Variants in CATSPERB observed in about 807,000 individuals in gnomAD.
CATSPERB encodes cation channel sperm-associated auxiliary subunit beta.
CATSPERB carries 93 observed loss-of-function variants against 128.3 expected under a neutral mutation model. That is an observed-to-expected ratio of 0.72 (90% CI 0.61 to 0.86). The LOEUF is 0.86. Among genes scored for constraint, CATSPERB ranks in the 40% least tolerant of loss-of-function variants. CATSPERB has a pLI of 0.00. For synonymous variants in CATSPERB, 381 were observed against 448.8 expected (o/e 0.85, Z 1.91); for missense variants, 1,153 against 1,329.5 (o/e 0.87, Z 2.06).
chr14:91,621,714 A>G lies in CATSPERB; in HGVS notation c.2154T>C (p.Cys718=), dbSNP rs1236621352. 7 of 1,612,916 alleles carry G rather than the reference A, an allele frequency of 4.3e-6. No individual in the cohort carries two copies. The Admixed American group carries it at 5.0e-5, about 12-fold the overall frequency. Residue 718 remains cysteine, a synonymous_variant, in exon 19 of 27, where the codon TGT becomes TGC. Coordinates refer to ENST00000256343, the MANE Select transcript of CATSPERB (RefSeq NM_024764.4). ...GRTWKIYSKP[C]NYWFQHDDSP... is the part of the protein sequence containing the mutation. Reference sequence around the variant, plus strand: ...AATCATCATGTTGAAACCAATAATTACATGGTTTTGAATATATTTTCCATG... The same window carrying G: ...AATCATCATGTTGAAACCAATAATTGCATGGTTTTGAATATATTTTCCATG...
intron 22 of CATSPERB, among the ~76,000 whole-genome samples, chr14:91,606,131 G>T (rs534551665): frequency 3.2e-4 from 48 of 150,394 alleles, no homozygotes; most frequent in African/African-American, 1.1e-3. Flanking sequence ...AGCCAAGATC[G>T]CGCCACTGTA....
chr14:91,599,769 G>C (rs1222684763), intron 22 of CATSPERB, among the ~76,000 whole-genome samples: 2 of 152,070 alleles, frequency 1.3e-5, no homozygotes, highest in African/African-American at 2.4e-5. Context: ...AGACTCAAGT[G>C]GGGAGGGAGC....
intron 19 of CATSPERB, among the ~76,000 whole-genome samples, chr14:91,620,451 G>A (rs1376506762): frequency 6.6e-6 from 1 of 151,914 alleles, no homozygotes; most frequent in African/African-American, 2.4e-5. Flanking sequence ...CATTTCTGGT[G>A]GCACAATTTT....
At chr14:91,585,519 A>G (rs759911247) in intron 26 of CATSPERB, among the ~76,000 whole-genome samples, 8 of 152,080 alleles carry the variant, frequency 5.3e-5, no homozygotes, top group Non-Finnish European at 8.8e-5. Flanking sequence ...TTTAAATATT[A>G]TAGTTTTTAG....
intron 19 of CATSPERB, among the ~76,000 whole-genome samples, chr14:91,618,976 A>G (rs896907518): frequency 5.9e-5 from 9 of 152,110 alleles, no homozygotes; most frequent in African/African-American, 1.7e-4. Flanking sequence ...ATTTGACTAG[A>G]TTTTTCTGCA....
intron 19 of CATSPERB, among the ~76,000 whole-genome samples, chr14:91,621,079 G>A (rs1017328740): frequency 1.3e-5 from 2 of 152,162 alleles, no homozygotes; most frequent in East Asian, 1.9e-4. Flanking sequence ...TATATTTTTA[G>A]GGTTGTTATA....
At chr14:91,636,354 C>A in intron 17 of CATSPERB, 71 bp downstream of exon 17, 2 of 1,417,140 alleles carry the variant, frequency 1.4e-6, no homozygotes, top group Non-Finnish European at 2.0e-6. Flanking sequence ...CAGAGCAAGA[C>A]CCTATCTCAA....
chr14:91,620,781 AACTCAC>A (rs1894027745), intron 19 of CATSPERB, among the ~76,000 whole-genome samples: 1 of 152,146 alleles, frequency 6.6e-6, no homozygotes, highest in Admixed American at 6.5e-5. Context: ...GGGCCTGTGG[AACTCAC>A]ACATAGGAAA....
At chr14:91,682,694 A>G (rs1258564390) in intron 11 of CATSPERB, among the ~76,000 whole-genome samples, 1 of 152,134 alleles carries the variant, frequency 6.6e-6, no homozygotes, top group Admixed American at 6.5e-5. Context: ...AACGCCAGAC[A>G]CCACTGTCAA....
Position 91,589,530 on chromosome 14 carries a change from C to T in CATSPERB, c.2956+4G>A. 6.2e-7 allele frequency: 1 copy of T among 1,610,470 alleles called. No individual in the cohort carries two copies. Among genetic ancestry groups the T allele is most frequent in the Non-Finnish European group, 8.5e-7 (1 of 1,178,110 alleles). On this transcript the variant is annotated splice_donor_region_variant and intron_variant, in intron 24 of 26. Transcript: ENST00000256343. ...AAATAATTACAGATGAAAGCAAACC[C>T]TACTCAGTTTCCAGTTGTGCCTCAT...
In CATSPERB at chr14:91,704,572, A is replaced by G. The variant is rs752933721; in HGVS notation, c.596T>C (p.Ile199Thr). 6.2e-7 allele frequency: 1 copy of G among 1,613,670 alleles called. No individual in the cohort carries two copies. Among genetic ancestry groups the G allele is most frequent in the South Asian group, 1.1e-5 (1 of 90,970 alleles). The change falls in exon 7 of 27, where the codon ATT becomes ACT. Residue 199 changes from isoleucine (I) to threonine (T), a missense_variant. Transcript: ENST00000256343. ...CANDVALLGFIVDTIVDGVYI... is the reference protein window; with the variant it reads ...CANDVALLGFTVDTIVDGVYI... ...CCTACCATCAACTATTGTATCCACA[A>G]TGAAGCCTAGTAATGCCACATCATT...
At chr14:91,638,460 G>A (rs56038450) in intron 16 of CATSPERB, among the ~76,000 whole-genome samples, 35,733 of 150,764 alleles carry the variant, frequency 0.24, 4,459 homozygotes, top group African/African-American at 0.28. Context: ...TCAGTGGCAC[G>A]ATCACAGCTC....
In CATSPERB at chr14:91,683,907, T is replaced by G. The variant is rs1289611000; in HGVS notation, c.901A>C (p.Arg301=). 1 of 1,607,922 alleles carries G rather than the reference T, an allele frequency of 6.2e-7. No individual in the cohort carries two copies. The highest frequency in any genetic ancestry group is 8.5e-7 in the Non-Finnish European group (1 of 1,177,470). Residue 301 remains arginine, a synonymous_variant, in exon 11 of 27, where the codon AGA becomes CGA. Transcript: ENST00000256343. The part of the protein sequence containing the change: ...YVKGKLWYNE[R]CFANREHFEV... ...AAGTGCTCTCTGTTAGCAAAACATC[T>G]TTCATTATACCACAGTTTTCCTTTC... is the stretch of plus-strand genomic sequence containing the variant.
At chr14:91,635,319 T>A (rs1429673499) in intron 17 of CATSPERB, among the ~76,000 whole-genome samples, 2 of 151,864 alleles carry the variant, frequency 1.3e-5, no homozygotes, top group African/African-American at 2.4e-5. Context: ...AATTGTTTCT[T>A]TTTTAGTTGG....
intron 18 of CATSPERB, among the ~76,000 whole-genome samples, chr14:91,623,284 G>A (rs960239615): frequency 1.3e-5 from 2 of 151,936 alleles, no homozygotes; most frequent in African/African-American, 4.8e-5. Context: ...CACGGGAGAG[G>A]GGCCTCTCCT....
rs546915044 is a variant in CATSPERB at position 91,626,426 on chromosome 14, G to A, written c.1743-1419C>T. Among the ~76,000 whole-genome samples, 112 of 140,416 alleles carry A rather than the reference G, an allele frequency of 8.0e-4. 1 individual carries two copies. The South Asian group carries it at 0.026, about 32-fold the overall frequency. The allele number at this position is 140,416 out of a possible 152,430, so 92.1% of individuals were successfully genotyped here. Reference sequence around the variant, plus strand: ...TGCCGCCAGCCTGGAGTGCAGTGGCGCCATCTCAGCTCACTGCAACCTGAG... The same window carrying A: ...TGCCGCCAGCCTGGAGTGCAGTGGCACCATCTCAGCTCACTGCAACCTGAG... On this transcript the variant is annotated intron_variant, in intron 17 of 26. Transcript: ENST00000256343.
At chr14:91,582,709 T>C (rs1309210809) in intron 26 of CATSPERB, among the ~76,000 whole-genome samples, 2 of 152,138 alleles carry the variant, frequency 1.3e-5, no homozygotes, top group African/African-American at 4.8e-5. Flanking sequence ...TCTGAGTGCA[T>C]AAAGGCCCCA....
chr14:91,686,920 T>C (rs1235512003), intron 10 of CATSPERB, among the ~76,000 whole-genome samples: 1 of 152,064 alleles, frequency 6.6e-6, no homozygotes, highest in East Asian at 1.9e-4. Flanking sequence ...TACTTGTAGC[T>C]GGAAAAAAGA....
chr14:91,674,187 TTC>T lies in CATSPERB; in HGVS notation c.965_966del (p.Arg322AsnfsTer4). Reference sequence around the variant, plus strand: ...ATTCAATATCATACCTCACTTAGGGTTCTGTTTCTCTCAAAGGTAACTGTAAC... The same window carrying T: ...ATTCAATATCATACCTCACTTAGGGTTGTTTCTCTCAAAGGTAACTGTAAC... ...DYVTVTFERN[R>X]TLSESSSCFY... On this transcript the variant is annotated frameshift_variant, in exon 12 of 27. Transcript: ENST00000256343. LOFTEE classifies it high-confidence loss of function. 1 of 1,539,780 alleles carries T rather than the reference TTC, an allele frequency of 6.5e-7. No homozygotes were observed.
Sources: gnomAD v4.1 joint callset for allele counts (sites outside exome capture counted in the v4.1 genomes callset) on GRCh38, gnomAD v4.1.1 for gene constraint, MANE v1.5 for transcripts, NCBI Gene and HGNC (gene_info 2026-07-23, HGNC 2026-07-21) for gene names.